Variants in KCNN2 observed in about 807,000 individuals in gnomAD.
KCNN2 encodes small conductance calcium-activated potassium channel protein 2.
KCNN2 carries 24 observed loss-of-function variants against 55.5 expected under a neutral mutation model. The ratio of observed to expected loss-of-function variants is 0.43; its 90% CI spans 0.31 to 0.61. The LOEUF is 0.61. KCNN2 is among the 20% of genes least tolerant of loss of function. The pLI, the probability that KCNN2 is intolerant of heterozygous loss-of-function variation, is 0.08. For missense variants in KCNN2, 754 were observed against 853.6 expected (o/e 0.88, Z 1.45); for synonymous variants, 431 against 336.1 (o/e 1.28, Z -3.09).
intron 2 of KCNN2, among the ~76,000 whole-genome samples, chr5:114,375,309 G>A (rs1029347735): frequency 6.6e-6 from 1 of 152,136 alleles, no homozygotes; most frequent in African/African-American, 2.4e-5. Flanking sequence ...TGACATAAAA[G>A]TGATGGCTGT....
At chr5:114,385,671 TC>T (rs1203222691) in intron 2 of KCNN2, among the ~76,000 whole-genome samples, 4 of 152,132 alleles carry the variant, frequency 2.6e-5, no homozygotes, top group Admixed American at 1.3e-4. Context: ...GCCTTTGGGC[TC>T]AGCACAGGTC....
intron 2 of KCNN2, among the ~76,000 whole-genome samples, chr5:114,289,197 G>T (rs934645777): frequency 1.5e-4 from 23 of 152,094 alleles, no homozygotes; most frequent in Admixed American, 3.3e-4. Flanking sequence ...CTGTTTCACT[G>T]GTCTGTATGT....
intron 3 of KCNN2, among the ~76,000 whole-genome samples, chr5:114,425,722 T>C (rs540311855): frequency 6.6e-6 from 1 of 152,270 alleles, no homozygotes; most frequent in East Asian, 1.9e-4. Flanking sequence ...CACTTCTTAG[T>C]ACCTCCTCAG....
chr5:114,286,410 G>A (rs1007767578), intron 2 of KCNN2, among the ~76,000 whole-genome samples: 3 of 152,022 alleles, frequency 2.0e-5, no homozygotes, highest in Non-Finnish European at 2.9e-5. Context: ...GTTCATTTAC[G>A]AGTCATCAAA....
rs1561384410 is a variant in KCNN2 at position 114,439,350 on chromosome 5, C to T, written c.1638-23699C>T. 2.6e-5 allele frequency among the ~76,000 whole-genome samples: 4 copies of T among 151,874 alleles called. 1 individual carries two copies. In the South Asian group the frequency reaches 8.3e-4, roughly 32 times the overall value. On this transcript the variant is annotated intron_variant, in intron 3 of 7. Transcript: ENST00000673685. Reference sequence around the variant, plus strand: ...AGTAAGAATATAATTTATATTAGAACATGGTATATAATCTCACACCCCACT... The same window carrying T: ...AGTAAGAATATAATTTATATTAGAATATGGTATATAATCTCACACCCCACT...
chr5:114,157,652 T>G (rs189006321), intron 1 of KCNN2, among the ~76,000 whole-genome samples: 2 of 152,300 alleles, frequency 1.3e-5, no homozygotes, highest in East Asian at 3.9e-4. Flanking sequence ...TTTCTCCACA[T>G]CCTCTCCAGC....
chr5:114,478,194 G>C (rs1451361384), intron 5 of KCNN2, among the ~76,000 whole-genome samples: 1 of 152,064 alleles, frequency 6.6e-6, no homozygotes, highest in Non-Finnish European at 1.5e-5. Context: ...GCGAGGAGTG[G>C]AAGTGTTATG....
chr5:114,193,340 G>T lies in KCNN2; in HGVS notation c.-270-28140G>T, dbSNP rs138822065. Among the ~76,000 whole-genome samples, 421 of 152,214 alleles carry T rather than the reference G, an allele frequency of 2.8e-3. 3 individuals carry two copies. The highest frequency in any genetic ancestry group is 9.2e-3 in the African/African-American group (384 of 41,564). On this transcript the variant is annotated intron_variant, in intron 1 of 10. Transcript: ENST00000512097. ...AATTGTCTCTGGGCAAATAGAAACA[G>T]ATTATACAGAACATATTCTGAGTAC...
intron 1 of KCNN2, among the ~76,000 whole-genome samples, chr5:114,062,842 G>A (rs1178246012): frequency 2.0e-5 from 3 of 152,132 alleles, no homozygotes; most frequent in African/African-American, 4.8e-5. Context: ...TTTTAAGGCA[G>A]TTAAAATGTT....
intron 1 of KCNN2, among the ~76,000 whole-genome samples, chr5:114,198,341 T>C (rs892023720): frequency 1.5e-5 from 2 of 133,008 alleles, no homozygotes; most frequent in African/African-American, 2.8e-5. Context: ...TATATATATA[T>C]ACGTGTATAT....
chr5:114,169,566 C>G (rs956957702), intron 1 of KCNN2, among the ~76,000 whole-genome samples: 4 of 152,052 alleles, frequency 2.6e-5, no homozygotes, highest in African/African-American at 9.7e-5. Flanking sequence ...AGTTTAGATA[C>G]CAGACAGGAA....
intron 2 of KCNN2, among the ~76,000 whole-genome samples, chr5:114,332,527 G>A (rs1756843783): frequency 2.0e-5 from 3 of 152,218 alleles, no homozygotes; most frequent in South Asian, 4.1e-4. Flanking sequence ...AACTATCACA[G>A]TAAAGCTTTG....
intron 5 of KCNN2, among the ~76,000 whole-genome samples, chr5:114,474,159 T>C (rs1235719351): frequency 2.0e-5 from 3 of 152,218 alleles, no homozygotes; most frequent in African/African-American, 4.8e-5. Context: ...TCACTCACTC[T>C]TGATTTTGGT....
At chr5:114,375,958 A>G (rs971575052) in intron 2 of KCNN2, among the ~76,000 whole-genome samples, 4 of 140,712 alleles carry the variant, frequency 2.8e-5, no homozygotes, top group Non-Finnish European at 4.6e-5. Context: ...CAGTGTATAT[A>G]TATATATATA....
intron 2 of KCNN2, among the ~76,000 whole-genome samples, chr5:114,374,430 G>A (rs1183940198): frequency 6.6e-6 from 1 of 152,090 alleles, no homozygotes; most frequent in Non-Finnish European, 1.5e-5. Flanking sequence ...AATAAAAGGT[G>A]CTTTTTTCTT....
chr5:114,200,571 G>A (rs1650556700), intron 1 of KCNN2, among the ~76,000 whole-genome samples: 1 of 151,474 alleles, frequency 6.6e-6, no homozygotes, highest in African/African-American at 2.4e-5. Context: ...TCCTTTGATG[G>A]TATCATATTT....
At chr5:114,160,046 C>T (rs570420489) in intron 1 of KCNN2, among the ~76,000 whole-genome samples, 49 of 152,230 alleles carry the variant, frequency 3.2e-4, no homozygotes, top group African/African-American at 1.2e-3. Flanking sequence ...CTTCTGCTAG[C>T]TTTTGAATGT....
At chr5:114,433,988 T>C (rs577927432) in intron 3 of KCNN2, 1 of 152,434 alleles carries the variant, frequency 6.6e-6, no homozygotes, top group South Asian at 2.1e-4. Flanking sequence ...TTCAGACCAT[T>C]GATGTTTAAA....
chr5:114,289,069 A>T (rs951121958), intron 2 of KCNN2, among the ~76,000 whole-genome samples: 1 of 152,186 alleles, frequency 6.6e-6, no homozygotes, highest in South Asian at 2.1e-4. Flanking sequence ...GTGGATATAC[A>T]GTTTTACCAG....
Sources: gnomAD v4.1 joint callset for allele counts (sites outside exome capture counted in the v4.1 genomes callset) on GRCh38, gnomAD v4.1.1 for gene constraint, MANE v1.5 for transcripts, NCBI Gene and HGNC (gene_info 2026-07-23, HGNC 2026-07-21) for gene names.